Variants in CBFB observed in about 807,000 individuals in gnomAD.
CBFB encodes the protein CBF-beta.
CBFB carries 9 observed loss-of-function variants against 30.4 expected under a neutral mutation model. The ratio of observed to expected loss-of-function variants is 0.30; its 90% CI spans 0.18 to 0.52. The LOEUF is 0.52. CBFB is among the 20% of genes least tolerant of loss of function. The pLI, the probability that CBFB is intolerant of heterozygous loss-of-function variation, is 0.97. For synonymous variants in CBFB, 94 were observed against 84.0 expected, an observed-to-expected ratio of 1.12 and a Z score of -0.65; for missense variants, 170 against 244.0, an observed-to-expected ratio of 0.70 and a Z score of 2.02.
rs1386005726 is a variant in CBFB at position 67,101,026 on chromosome 16, T to G, written c.*2248T>G. 5.5e-6 allele frequency: 1 copy of G among 182,030 alleles called. No individual in the cohort carries two copies. Among genetic ancestry groups the G allele is most frequent in the Non-Finnish European group, 1.2e-5 (1 of 85,050 alleles). The allele number at this position is 182,030 out of a possible 1,614,324, so 11.3% of individuals were successfully genotyped here. On this transcript the variant is annotated 3_prime_UTR_variant, in exon 6 of 6. Transcript: ENST00000412916. Reference sequence around the variant, plus strand: ...CATACTGTGTGTTTGTTTGTTTAATTTACTTTCACAATAAACTTCTGTGTA... The same window carrying G: ...CATACTGTGTGTTTGTTTGTTTAATGTACTTTCACAATAAACTTCTGTGTA...
intron 3 of CBFB, among the ~76,000 whole-genome samples, chr16:67,066,301 A>G (rs1488926578): frequency 2.0e-5 from 3 of 150,690 alleles, no homozygotes; most frequent in African/African-American, 7.3e-5. Flanking sequence ...TAATCCTAGC[A>G]CTTTTGGAGG....
At position 67,098,804 on chromosome 16, in the gene CBFB, C is replaced by T. The variant is rs1480364155; in HGVS notation, c.*26C>T. On this transcript the variant is annotated 3_prime_UTR_variant, in exon 6 of 6. Transcript: ENST00000412916. Reference sequence around the variant, plus strand: ...TTAATAGCACAGCAGATGTGTGCTGCCCATCTTTACATACACATTGCTTCT... The same window carrying T: ...TTAATAGCACAGCAGATGTGTGCTGTCCATCTTTACATACACATTGCTTCT... 1 of 1,316,048 alleles carries T rather than the reference C, an allele frequency of 7.6e-7. No individual in the cohort carries two copies. The highest frequency in any genetic ancestry group is 1.1e-6 in the Non-Finnish European group (1 of 911,278). The allele number at this position is 1,316,048 out of a possible 1,614,324, so 81.5% of individuals were successfully genotyped here. A position where few individuals can be genotyped will look rare whatever the true frequency, so the allele number is the denominator to read the frequency against.
chr16:67,098,504 T>G (rs776416330), intron 5 of CBFB, among the ~76,000 whole-genome samples: 11 of 152,186 alleles, frequency 7.2e-5, no homozygotes, highest in Non-Finnish European at 1.5e-4. Context: ...AAAATGATTT[T>G]TATTCTTGAT....
chr16:67,095,384 C>T (rs2031006), intron 5 of CBFB, among the ~76,000 whole-genome samples: 1 of 151,770 alleles, frequency 6.6e-6, no homozygotes, highest in Non-Finnish European at 1.5e-5. Flanking sequence ...AGGTGTGGTG[C>T]TGCGTGCCTG....
chr16:67,041,195 T>G (rs1183582621), intron 3 of CBFB, among the ~76,000 whole-genome samples: 1 of 152,202 alleles, frequency 6.6e-6, no homozygotes, highest in Non-Finnish European at 1.5e-5. Flanking sequence ...CTTGGTCAGC[T>G]TCCGAAGTAG....
At chr16:67,058,908 A>G (rs556451734) in intron 3 of CBFB, among the ~76,000 whole-genome samples, 6 of 152,318 alleles carry the variant, frequency 3.9e-5, no homozygotes, top group East Asian at 3.9e-4. Context: ...GCTTTTGTCA[A>G]TAGCTTTGAC....
At chr16:67,034,831 T>C (rs578258173) in intron 2 of CBFB, among the ~76,000 whole-genome samples, 2 of 152,330 alleles carry the variant, frequency 1.3e-5, no homozygotes, top group South Asian at 4.1e-4. Context: ...AGAATTTCAT[T>C]ATCTGAAGCT....
chr16:67,059,752 C>CTT (rs1960838509), intron 3 of CBFB, among the ~76,000 whole-genome samples: 1 of 152,134 alleles, frequency 6.6e-6, no homozygotes, highest in South Asian at 2.1e-4. Flanking sequence ...TGGGTCCCTT[C>CTT]TTTTCCCCTG....
intron 4 of CBFB, among the ~76,000 whole-genome samples, chr16:67,072,810 G>A (rs181893606): frequency 2.9e-4 from 43 of 150,562 alleles, no homozygotes; most frequent in African/African-American, 8.8e-4. Flanking sequence ...TTGCTCTGTT[G>A]CTCAGGCCAG....
intron 4 of CBFB, among the ~76,000 whole-genome samples, chr16:67,078,023 C>T (rs1961451071): frequency 6.6e-6 from 1 of 152,196 alleles, no homozygotes; most frequent in Non-Finnish European, 1.5e-5. Flanking sequence ...AAACCTTATC[C>T]TACCCGAACC....
intron 3 of CBFB, among the ~76,000 whole-genome samples, chr16:67,041,531 A>G (rs1311686118): frequency 2.6e-5 from 4 of 151,970 alleles, no homozygotes; most frequent in African/African-American, 9.7e-5. Flanking sequence ...GAACCCGGGA[A>G]GGGGAGGTTG....
intron 3 of CBFB, among the ~76,000 whole-genome samples, chr16:67,047,709 A>G (rs1401948866): frequency 6.6e-6 from 1 of 152,058 alleles, no homozygotes; most frequent in Admixed American, 6.6e-5. Context: ...TAGGATATTT[A>G]TTCACACCAG....
chr16:67,082,220 A>C lies in CBFB; in HGVS notation c.407A>C (p.Asp136Ala). 6.3e-7 allele frequency: 1 copy of C among 1,592,394 alleles called. No individual in the cohort carries two copies. Among genetic ancestry groups the C allele is most frequent in the Non-Finnish European group, 8.6e-7 (1 of 1,166,054 alleles). ...EFDEERAQQE[D>A]ALAQQAFEEA... ...TTTCATGTATTCTGACAGCAGGAGGATGCATTAGCACAACAGGCCTTTGAA... is the reference window on the plus strand; with the variant it reads ...TTTCATGTATTCTGACAGCAGGAGGCTGCATTAGCACAACAGGCCTTTGAA... Residue 136 changes from aspartate (D) to alanine (A), a missense_variant, in exon 5 of 6, where the codon GAT becomes GCT. By Grantham distance (126) the Asp-to-Ala change is moderately radical. Transcript: ENST00000412916.
intron 5 of CBFB, among the ~76,000 whole-genome samples, chr16:67,098,081 C>T (rs1962108048): frequency 6.6e-6 from 1 of 152,056 alleles, no homozygotes; most frequent in Non-Finnish European, 1.5e-5. Context: ...TCCTCTTTTT[C>T]CAAAACTGTA....
At chr16:67,037,867 C>T (rs1240343096) in intron 3 of CBFB, among the ~76,000 whole-genome samples, 1 of 151,782 alleles carries the variant, frequency 6.6e-6, no homozygotes, top group Non-Finnish European at 1.5e-5. Context: ...GACAGGGTTT[C>T]CCCATATTGG....
chr16:67,055,401 C>T (rs1397380604), intron 3 of CBFB, among the ~76,000 whole-genome samples: 1 of 112,892 alleles, frequency 8.9e-6, no homozygotes, highest in Non-Finnish European at 1.7e-5. Context: ...GAGTCTCGCT[C>T]TGTCGCCCAG....
chr16:67,084,248 CAA>C (rs1362104814), intron 5 of CBFB, among the ~76,000 whole-genome samples: 2 of 148,736 alleles, frequency 1.3e-5, no homozygotes, highest in Non-Finnish European at 1.5e-5. Flanking sequence ...AGAGTGTTGT[CAA>C]ATGTTACTGT....
At chr16:67,061,955 C>T (rs1376841152) in intron 3 of CBFB, among the ~76,000 whole-genome samples, 1 of 151,932 alleles carries the variant, frequency 6.6e-6, no homozygotes, top group African/African-American at 2.4e-5. Flanking sequence ...TCCTTTGAAC[C>T]TGGGAGGTGG....
At chr16:67,073,762 G>A (rs959248382) in intron 4 of CBFB, among the ~76,000 whole-genome samples, 4 of 146,752 alleles carry the variant, frequency 2.7e-5, no homozygotes, top group East Asian at 4.2e-4. Context: ...GAGGCCGGGC[G>A]CAGTGGCTTA....
Sources: allele counts gnomAD v4.1 joint callset (sites outside exome capture counted in the v4.1 genomes callset), GRCh38; gene constraint gnomAD v4.1.1; transcripts MANE v1.5; gene names NCBI Gene and HGNC (gene_info 2026-07-23, HGNC 2026-07-21).